Variants in GLIS3 observed in about 807,000 individuals in gnomAD.
The protein encoded by GLIS3 is GLIS family zinc finger 3.
Under a neutral mutation model 78.6 loss-of-function variants are expected in GLIS3, and 53 were observed. The observed-to-expected ratio is 0.67, with a 90% CI of 0.54 to 0.85. The LOEUF (loss-of-function observed/expected upper bound fraction) is 0.85, where lower values mean the gene tolerates loss of function less well. Among genes scored for constraint, GLIS3 ranks in the 40% least tolerant of loss-of-function variants. The pLI is 0.00. For synonymous variants in GLIS3, 684 were observed against 509.9 expected (o/e 1.34, Z -4.60); for missense variants, 1,703 against 1,231.1 (o/e 1.38, Z -5.74).
the GLIS3 span, among the ~76,000 whole-genome samples, chr9:4,457,986 A>T: frequency 6.6e-6 from 1 of 151,998 alleles, no homozygotes; most frequent in Non-Finnish European, 1.5e-5. Context: ...AGTTTCACAA[A>T]CCCCACTCAA....
intron 2 of GLIS3, among the ~76,000 whole-genome samples, chr9:4,206,487 T>C (rs71510204): frequency 0.12 from 17,845 of 152,252 alleles, 1,113 homozygotes; most frequent in East Asian, 0.22. Context: ...AATAGAGGCG[T>C]AGCTTTATGA....
At chr9:3,987,784 A>AAAACAAAAC (rs1819885028) in intron 4 of GLIS3, among the ~76,000 whole-genome samples, 1 of 69,546 alleles carries the variant, frequency 1.4e-5, no homozygotes, top group African/African-American at 5.1e-5. Flanking sequence ...AAAAAAAAAA[A>AAAACAAAAC]AAAACAAAAC....
rs934143900 is a variant in GLIS3 at position 4,092,388 on chromosome 9, G to A, written c.1710+25380C>T. Among the ~76,000 whole-genome samples, 13 of 152,046 alleles carry A rather than the reference G, an allele frequency of 8.6e-5. No homozygotes were observed. The South Asian group carries it at 1.7e-3, about 19-fold the overall frequency. On this transcript the variant is annotated intron_variant, in intron 4 of 10. Coordinates refer to ENST00000381971, the MANE Select transcript of GLIS3 (RefSeq NM_001042413.2). ...AGGATGGTCTCGATCTCCTGAGCTC[G>A]TGATCCGCCTGCCTCAGCCTCCCAA...
At chr9:3,877,020 G>C (rs1821361008) in intron 8 of GLIS3, among the ~76,000 whole-genome samples, 2 of 152,022 alleles carry the variant, frequency 1.3e-5, no homozygotes, top group African/African-American at 4.8e-5. Context: ...TTTAAAGGCT[G>C]CGTACAAAAA....
At chr9:4,295,097 C>T (rs1450562086) in intron 1 of GLIS3, among the ~76,000 whole-genome samples, 2 of 152,176 alleles carry the variant, frequency 1.3e-5, no homozygotes, top group East Asian at 3.8e-4. Context: ...GTTATTCTTG[C>T]CTTTATCTTG....
intron 4 of GLIS3, among the ~76,000 whole-genome samples, chr9:4,038,727 C>G (rs1424147110): frequency 6.6e-6 from 1 of 152,158 alleles, no homozygotes; most frequent in Non-Finnish European, 1.5e-5. Context: ...CTCCACTATT[C>G]TTTTTTTCAT....
At chr9:4,304,458 T>G (rs1310529149), upstream of GLIS3, among the ~76,000 whole-genome samples, 1 of 152,228 alleles carries the variant, frequency 6.6e-6, no homozygotes, top group Non-Finnish European at 1.5e-5. Context: ...AGAGCCTGTC[T>G]GCGCCCTGCT....
chr9:4,323,343 T>C lies in GLIS3; in HGVS notation n.265-12815A>G, dbSNP rs142156709. Among the ~76,000 whole-genome samples, 23 of 152,322 alleles carry C rather than the reference T, an allele frequency of 1.5e-4. 2 individuals are homozygous for C. In the East Asian group the frequency reaches 4.2e-3, roughly 28 times the overall value. ...TTTATATATGTAAACAACATATTGT[T>C]CCCTTTTCCTTGCTTTTAAATTTCA... is the stretch of plus-strand genomic sequence containing the variant. On this transcript the variant is annotated intron_variant and non_coding_transcript_variant, in intron 2 of 4. Transcript: ENST00000471664.
At chr9:4,249,664 G>C (rs977813126) in intron 2 of GLIS3, among the ~76,000 whole-genome samples, 1 of 152,202 alleles carries the variant, frequency 6.6e-6, no homozygotes, top group African/African-American at 2.4e-5. Context: ...TGTTGAATAA[G>C]GGTGGTGAGA....
At chr9:4,410,535 A>G in the GLIS3 span, among the ~76,000 whole-genome samples, 1 of 152,222 alleles carries the variant, frequency 6.6e-6, no homozygotes, top group Non-Finnish European at 1.5e-5. Context: ...ATCAGCTAAA[A>G]TTTTACTGAA....
At chr9:4,333,479 G>C (rs1472845376) in intron 2 of GLIS3, among the ~76,000 whole-genome samples, 2 of 152,190 alleles carry the variant, frequency 1.3e-5, no homozygotes, top group East Asian at 1.9e-4. Context: ...AACAGAAGGA[G>C]AGATTTCTAG....
At chr9:3,989,019 C>G (rs1483650034) in intron 4 of GLIS3, among the ~76,000 whole-genome samples, 2 of 151,976 alleles carry the variant, frequency 1.3e-5, no homozygotes, top group Admixed American at 6.6e-5. Context: ...AACTAACGAC[C>G]AGTAAATAAA....
chr9:4,485,134 G>T, the GLIS3 span, among the ~76,000 whole-genome samples: 1 of 151,402 alleles, frequency 6.6e-6, no homozygotes, highest in African/African-American at 2.4e-5. Flanking sequence ...CCTGCCTCAG[G>T]CTCCCGAGTA....
intron 4 of GLIS3, among the ~76,000 whole-genome samples, chr9:4,040,149 T>C: frequency 6.6e-6 from 1 of 152,140 alleles, no homozygotes; most frequent in East Asian, 1.9e-4. Flanking sequence ...AATACCTTTA[T>C]TTATGGAGGG....
intron 8 of GLIS3, among the ~76,000 whole-genome samples, chr9:3,856,777 G>A (rs937414140): frequency 1.3e-5 from 2 of 152,154 alleles, no homozygotes; most frequent in Non-Finnish European, 2.9e-5. Flanking sequence ...AAATCTGCGT[G>A]GGCTCCGTGC....
chr9:4,324,259 C>A (rs998649493), intron 2 of GLIS3, among the ~76,000 whole-genome samples: 2 of 152,134 alleles, frequency 1.3e-5, no homozygotes, highest in Non-Finnish European at 2.9e-5. Context: ...TTAAAGATCA[C>A]TTCATAGTGA....
intron 4 of GLIS3, among the ~76,000 whole-genome samples, chr9:4,026,400 CAAT>C (rs1240499491): frequency 6.6e-6 from 1 of 152,188 alleles, no homozygotes; most frequent in Admixed American, 6.5e-5. Context: ...ACAATGCCTA[CAAT>C]GAGTTTCATT....
chr9:4,229,835 C>G (rs1337306916), intron 2 of GLIS3, among the ~76,000 whole-genome samples: 1 of 152,184 alleles, frequency 6.6e-6, no homozygotes, highest in Non-Finnish European at 1.5e-5. Context: ...AAATTGGTTC[C>G]TGAGAATAAT....
At chr9:3,924,764 G>A (rs534204821) in intron 6 of GLIS3, among the ~76,000 whole-genome samples, 21 of 152,334 alleles carry the variant, frequency 1.4e-4, no homozygotes, top group African/African-American at 5.1e-4. Flanking sequence ...AAGGGCAATA[G>A]TGAGCTGTGT....
Sources: gnomAD v4.1 joint callset for allele counts (sites outside exome capture counted in the v4.1 genomes callset) on GRCh38, gnomAD v4.1.1 for gene constraint, MANE v1.5 for transcripts, NCBI Gene and HGNC (gene_info 2026-07-23, HGNC 2026-07-21) for gene names.